Variants in RFX3 observed in about 807,000 individuals in gnomAD.
RFX3 encodes transcription factor RFX3.
Under a neutral mutation model 98.6 loss-of-function variants are expected in RFX3, and 14 were observed. That is an observed-to-expected ratio of 0.14 (90% CI 0.09 to 0.22). The LOEUF is 0.22. Ranked by LOEUF, RFX3 falls within the 10% of genes least tolerant of loss-of-function variation. The pLI is 1.00. For missense variants in RFX3, 639 were observed against 926.9 expected (o/e 0.69, Z 4.03); for synonymous variants, 383 against 328.4 (o/e 1.17, Z -1.80).
intron 2 of RFX3, among the ~76,000 whole-genome samples, chr9:3,391,835 T>G (rs1840345420): frequency 6.6e-6 from 1 of 152,172 alleles, no homozygotes; most frequent in African/African-American, 2.4e-5. Context: ...CGCAGTAAGG[T>G]AACTGGCTTT....
chr9:3,315,209 G>GA (rs1460571054), intron 4 of RFX3, among the ~76,000 whole-genome samples: 1 of 152,106 alleles, frequency 6.6e-6, no homozygotes, highest in African/African-American at 2.4e-5. Context: ...TAGAACTCAG[G>GA]ATTAAGAAAC....
chr9:3,308,516 G>A (rs1023181158), intron 4 of RFX3, among the ~76,000 whole-genome samples: 1 of 152,138 alleles, frequency 6.6e-6, no homozygotes, highest in Non-Finnish European at 1.5e-5. Flanking sequence ...GCCTGGCAAA[G>A]GTTCAAGAGT....
At chr9:3,424,606 C>G (rs929248530) in intron 1 of RFX3, among the ~76,000 whole-genome samples, 10 of 151,570 alleles carry the variant, frequency 6.6e-5, no homozygotes, top group African/African-American at 2.4e-4. Flanking sequence ...GTGCTCCGCC[C>G]GCCTCGGCCT....
intron 1 of RFX3, among the ~76,000 whole-genome samples, chr9:3,506,185 T>C (rs1033086964): frequency 6.6e-6 from 1 of 150,610 alleles, no homozygotes; most frequent in African/African-American, 2.4e-5. Flanking sequence ...GAGGGCTGGA[T>C]AGATTTATGA....
intron 15 of RFX3, among the ~76,000 whole-genome samples, chr9:3,238,898 C>G (rs1293060487): frequency 6.6e-6 from 1 of 151,462 alleles, no homozygotes; most frequent in Non-Finnish European, 1.5e-5. Context: ...GAGGCTGAGG[C>G]AGGAGAATCG....
At chr9:3,478,936 G>A (rs1849504453) in intron 1 of RFX3, among the ~76,000 whole-genome samples, 1 of 152,174 alleles carries the variant, frequency 6.6e-6, no homozygotes, top group South Asian at 2.1e-4. Flanking sequence ...TGAGTTCAGA[G>A]TCAAATCAAA....
Position 3,219,535 on chromosome 9 carries a change from T to A in RFX3, c.*5507A>T, listed in dbSNP as rs1310839906. 1 of 151,752 alleles carries A rather than the reference T, an allele frequency of 6.6e-6. No homozygotes were observed. The highest frequency in any genetic ancestry group is 1.5e-5 in the Non-Finnish European group (1 of 67,936). The allele number at this position is 151,752 out of a possible 1,614,324, so 9.4% of individuals were successfully genotyped here. A position where few individuals can be genotyped will look rare whatever the true frequency, so the allele number is the denominator to read the frequency against. On this transcript the variant is annotated 3_prime_UTR_variant, in exon 17 of 17. Coordinates refer to ENST00000617270, the MANE Select transcript of RFX3 (RefSeq NM_001282116.2). ...AAGAGACAAAACACATTTTTCTTTT[T>A]AAAAAAACATATTATCAATTATTTC...
At chr9:3,476,022 A>T (rs1283306244) in intron 1 of RFX3, among the ~76,000 whole-genome samples, 1 of 151,758 alleles carries the variant, frequency 6.6e-6, no homozygotes, top group Non-Finnish European at 1.5e-5. Context: ...GACGGCTCAC[A>T]CTCTTGTCTT....
chr9:3,458,515 G>C (rs1847392319), intron 1 of RFX3, among the ~76,000 whole-genome samples: 1 of 152,178 alleles, frequency 6.6e-6, no homozygotes, highest in Admixed American at 6.5e-5. Context: ...GAGTAGAAGA[G>C]TAATGGAGGT....
intron 2 of RFX3, among the ~76,000 whole-genome samples, chr9:3,354,766 G>A (rs1428878110): frequency 1.3e-5 from 2 of 151,700 alleles, no homozygotes; most frequent in African/African-American, 2.4e-5. Context: ...ATAAAGAAAT[G>A]AGAAACATCA....
At chr9:3,331,850 T>C (rs921578201) in intron 3 of RFX3, among the ~76,000 whole-genome samples, 1 of 152,192 alleles carries the variant, frequency 6.6e-6, no homozygotes, top group African/African-American at 2.4e-5. Context: ...CTTTACTTCC[T>C]AGTTATACTT....
intron 1 of RFX3, among the ~76,000 whole-genome samples, chr9:3,474,715 A>G (rs1263965008): frequency 6.6e-6 from 1 of 152,216 alleles, no homozygotes; most frequent in African/African-American, 2.4e-5. Context: ...AAAATATTGC[A>G]GTATAATCTT....
At chr9:3,338,775 C>G (rs7861699) in intron 3 of RFX3, among the ~76,000 whole-genome samples, 4 of 151,912 alleles carry the variant, frequency 2.6e-5, no homozygotes, top group Non-Finnish European at 4.4e-5. Context: ...TTCACAGGAA[C>G]GAAAGGGAAA....
At chr9:3,286,557 C>T (rs1826633367) in intron 7 of RFX3, among the ~76,000 whole-genome samples, 1 of 151,726 alleles carries the variant, frequency 6.6e-6, no homozygotes, top group South Asian at 2.1e-4. Context: ...GGATCCTTAC[C>T]TCCAGTCTCT....
At chr9:3,427,021 C>T (rs961318373) in intron 1 of RFX3, among the ~76,000 whole-genome samples, 11 of 151,700 alleles carry the variant, frequency 7.3e-5, no homozygotes, top group Admixed American at 3.3e-4. Flanking sequence ...ATTTCTAACC[C>T]GTTTACTCAT....
intron 1 of RFX3, among the ~76,000 whole-genome samples, chr9:3,410,235 GCACTTTATAT>G (rs968506647): frequency 5.1e-5 from 7 of 136,270 alleles, no homozygotes; most frequent in African/African-American, 1.1e-4. Flanking sequence ...ATGGTTCACA[GCACTTTATAT>G]TCTATAGGAA....
In RFX3 at chr9:3,332,023, T is replaced by C. The variant is rs1019097846; in HGVS notation, c.216-1506A>G. Among the ~76,000 whole-genome samples the C allele has an allele frequency of 3.3e-4, 50 of 152,152 alleles. 3 individuals are homozygous for C. Among genetic ancestry groups the C allele is most frequent in the Non-Finnish European group, 2.9e-5 (2 of 68,014 alleles). On this transcript the variant is annotated intron_variant, in intron 3 of 16. Transcript: ENST00000617270. ...TTCTCAGTAGAGGGCAGCACCACCA[T>C]CCTCAGCTTTGGAAATTATTGCTTA...
chr9:3,466,512 G>C (rs1848236657), intron 1 of RFX3, among the ~76,000 whole-genome samples: 1 of 152,156 alleles, frequency 6.6e-6, no homozygotes, highest in Non-Finnish European at 1.5e-5. Context: ...ATTAGTATAG[G>C]TTGGCACAAA....
intron 1 of RFX3, among the ~76,000 whole-genome samples, chr9:3,424,732 A>G (rs1041773576): frequency 6.6e-6 from 1 of 152,140 alleles, no homozygotes; most frequent in African/African-American, 2.4e-5. Flanking sequence ...TGGCAAATAC[A>G]AGCTATTTTC....
Sources: gnomAD v4.1 joint callset for allele counts (sites outside exome capture counted in the v4.1 genomes callset) on GRCh38, gnomAD v4.1.1 for gene constraint, MANE v1.5 for transcripts, NCBI Gene and HGNC (gene_info 2026-07-23, HGNC 2026-07-21) for gene names.